Variants in RIIAD1 observed in about 807,000 individuals in gnomAD.
RIIAD1 encodes RIIa domain-containing protein 1.
Under a neutral mutation model 13.3 loss-of-function variants are expected in RIIAD1, and 15 were observed. The observed-to-expected ratio is 1.13, with a 90% confidence interval of 0.76 to 1.74. The LOEUF is 1.74. RIIAD1 is among the 40% of genes most tolerant of loss of function. The probability of loss-of-function intolerance (pLI) is 0.00; values close to 1 mark genes in which losing one functional copy is unlikely to be tolerated. For missense variants in RIIAD1, 121 were observed against 112.2 expected, an observed-to-expected ratio of 1.08 and a Z score of -0.35; for synonymous variants, 50 against 43.3, an observed-to-expected ratio of 1.16 and a Z score of -0.61.
At chr1:151,716,100 G>C (rs1673460686) in intron 4 of RIIAD1, 1 of 1,450,456 alleles carries the variant, frequency 6.9e-7, no homozygotes, top group African/African-American at 1.4e-5. Context: ...AAGGAGATAA[G>C]TGGTGGGGCC....
At chr1:151,711,644 G>C (rs1018009424) in intron 1 of RIIAD1, among the ~76,000 whole-genome samples, 1 of 152,232 alleles carries the variant, frequency 6.6e-6, no homozygotes, top group Non-Finnish European at 1.5e-5. Flanking sequence ...GATGCTCAGG[G>C]TGCATGGGCT....
chr1:151,712,962 ACACT>A (rs1434724071), intron 2 of RIIAD1, among the ~76,000 whole-genome samples: 2 of 152,054 alleles, frequency 1.3e-5, no homozygotes, highest in African/African-American at 4.8e-5. Context: ...GTGCAAACAC[ACACT>A]GAGGGGAGAA....
intron 1 of RIIAD1, 65 bp from the exon 2 acceptor site, chr1:151,722,021 C>T (rs1673746483): frequency 8.4e-7 from 1 of 1,184,016 alleles, no homozygotes; most frequent in Non-Finnish European, 1.2e-6. Flanking sequence ...CAGCCCTTCA[C>T]ATCTCCAGGG....
rs769106831 is a variant in RIIAD1, at chr1:151,728,804, A to G, written c.247A>G (p.Met83Val). 5.2e-6 allele frequency: 8 copies of G among 1,546,208 alleles called. No homozygotes were observed. In the East Asian group the frequency reaches 1.5e-4, roughly 28 times the overall value. ...TDPRLPNKIH[M>V]QLIKDKKAA ...TCCAAGACTTCCCAACAAGATTCAC[A>G]TGCAGCTAATTAAAGACAAGAAAGC... Residue 83 changes from methionine to valine, a missense_variant, in exon 4 of 5, where the codon ATG becomes GTG. Transcript: ENST00000479191.
In RIIAD1 at chr1:151,723,626, G is replaced by T. The variant is rs192914275; in HGVS notation, c.161+1464G>T. Among the ~76,000 whole-genome samples, 13 of 152,334 alleles carry T rather than the reference G, an allele frequency of 8.5e-5. No individual in the cohort carries two copies. The East Asian group carries it at 2.5e-3, about 29-fold the overall frequency. ...GAGGCAGGAGAATCGCTTAAACCTG[G>T]GAGGCAGAGGTTGCAGTGAGCCGAG... is the stretch of plus-strand genomic sequence containing the variant. On this transcript the variant is annotated intron_variant, in intron 2 of 4. Coordinates refer to ENST00000479191, the MANE Select transcript of RIIAD1 (RefSeq NM_001144956.3).
upstream of RIIAD1, chr1:151,719,738 A>C (rs1220732316): frequency 1.5e-6 from 1 of 658,726 alleles, no homozygotes; most frequent in African/African-American, 1.8e-5. Flanking sequence ...GACGCTGTTA[A>C]AAAAACAAAA....
intron 2 of RIIAD1, among the ~76,000 whole-genome samples, chr1:151,712,985 GC>G (rs768357444): frequency 6.6e-6 from 1 of 152,114 alleles, no homozygotes; most frequent in Non-Finnish European, 1.5e-5. Context: ...AATGCAGGTA[GC>G]AGGAGAAGAC....
intron 2 of RIIAD1, among the ~76,000 whole-genome samples, chr1:151,723,885 G>C (rs1281752854): frequency 3.9e-5 from 6 of 152,202 alleles, no homozygotes; most frequent in Admixed American, 3.9e-4. Context: ...TATCAGACCT[G>C]AGGATCAGGC....
At chr1:151,714,724 A>C in intron 4 of RIIAD1, 2 of 1,295,638 alleles carry the variant, frequency 1.5e-6, no homozygotes, top group Non-Finnish European at 2.2e-6. Flanking sequence ...TGAGTCCTCC[A>C]TCTCCCCTCT....
intron 4 of RIIAD1, chr1:151,714,715 G>A (rs1024734148): frequency 7.1e-7 from 1 of 1,398,994 alleles, no homozygotes; most frequent in Non-Finnish European, 9.9e-7. Context: ...GGCGGGGGGT[G>A]AGTCCTCCAT....
chr1:151,728,572 C>T (rs1647232114), intron 3 of RIIAD1, 194 bp from the exon 4 acceptor site: 2 of 545,190 alleles, frequency 3.7e-6, no homozygotes, highest in African/African-American at 1.9e-5. Flanking sequence ...TTGGAGCTGG[C>T]AGAATCAGAA....
chr1:151,720,648 T>A (rs1174825162), upstream of RIIAD1, among the ~76,000 whole-genome samples: 1 of 152,218 alleles, frequency 6.6e-6, no homozygotes, highest in Non-Finnish European at 1.5e-5. Context: ...TCTTGCTCCT[T>A]AGGGCAGTTG....
intron 4 of RIIAD1, chr1:151,714,550 A>G: frequency 6.9e-7 from 1 of 1,442,496 alleles, no homozygotes; most frequent in Non-Finnish European, 9.5e-7. Context: ...TGCCACTTCT[A>G]TGGCCCTTCT....
chr1:151,721,325 C>G (rs947756128), upstream of RIIAD1, among the ~76,000 whole-genome samples: 3 of 152,206 alleles, frequency 2.0e-5, no homozygotes, highest in East Asian at 5.8e-4. Flanking sequence ...AGGGCTCATT[C>G]CACATACAAT....
chr1:151,715,374 T>G (rs1241204385), intron 4 of RIIAD1, among the ~76,000 whole-genome samples: 2 of 152,162 alleles, frequency 1.3e-5, no homozygotes, highest in Admixed American at 1.3e-4. Context: ...CCAGCCTTCA[T>G]GCCCTGCTTC....
chr1:151,720,680 C>T (rs573412306), upstream of RIIAD1, among the ~76,000 whole-genome samples: 2 of 152,186 alleles, frequency 1.3e-5, no homozygotes, highest in Non-Finnish European at 2.9e-5. Context: ...GAAAAGACAG[C>T]CTCCCTTTTT....
At chr1:151,714,502 G>A in exon 4 of RIIAD1, 1 of 910,354 alleles carries the variant, frequency 1.1e-6, no homozygotes, top group Non-Finnish European at 1.8e-6. Flanking sequence ...GAGAGGAGGT[G>A]GAAATTATGC....
chr1:151,714,709 G>T, intron 4 of RIIAD1: 1 of 1,451,560 alleles, frequency 6.9e-7, no homozygotes, highest in East Asian at 2.5e-5. Flanking sequence ...AAACACGGCG[G>T]GGGGTGAGTC....
chr1:151,728,599 A>AG, intron 3 of RIIAD1, 167 bp from the exon 4 acceptor site: 1 of 603,174 alleles, frequency 1.7e-6, no homozygotes, highest in Non-Finnish European at 3.0e-6. Flanking sequence ...GGGTGGGGGC[A>AG]GTGACCGTTC....
Sources: gnomAD v4.1 joint callset for allele counts (sites outside exome capture counted in the v4.1 genomes callset) on GRCh38, gnomAD v4.1.1 for gene constraint, MANE v1.5 for transcripts, NCBI Gene and HGNC (gene_info 2026-07-23, HGNC 2026-07-21) for gene names.